The following SLC2A2 variants were observed in gnomAD, a reference collection of about 807,000 sequenced individuals.
The protein encoded by SLC2A2 is solute carrier family 2 member 2.
Under a neutral mutation model 54.5 loss-of-function variants are expected in SLC2A2, and 36 were observed. The observed-to-expected ratio is 0.66, with a 90% CI of 0.51 to 0.87. The LOEUF (loss-of-function observed/expected upper bound fraction) is 0.87, where lower values mean the gene tolerates loss of function less well. Among genes scored for constraint, SLC2A2 ranks in the 40% least tolerant of loss-of-function variants. SLC2A2 has a pLI of 0.00. For missense variants in SLC2A2, 543 were observed against 624.3 expected (o/e 0.87, Z 1.39); for synonymous variants, 223 against 219.1 (o/e 1.02, Z -0.16).
At chr3:171,004,061 C>A (rs1036593912) in intron 7 of SLC2A2, among the ~76,000 whole-genome samples, 2 of 151,984 alleles carry the variant, frequency 1.3e-5, no homozygotes, top group Non-Finnish European at 2.9e-5. Context: ...CCTTCCCCAC[C>A]TAACGTGTCC....
rs546539032 is a variant in SLC2A2 at position 171,014,678 on chromosome 3, T to G, written c.162A>C (p.Lys54Asn). The part of the protein sequence containing the change: ...HVLGVPLDDR[K>N]AINNYVINST... The stretch of plus-strand genomic sequence containing the variant: ...TGTTGATAACATAGTTGTTGATAGC[T>G]TTTCGGTCATCCAGTGGAACACCCA... The change falls in exon 3 of 11, where the codon AAA becomes AAC. Residue 54 changes from lysine to asparagine, a missense_variant. Around this residue, in one of 3 missense-constraint regions of SLC2A2, gnomAD observed 318 missense variants for 343.8 expected, o/e 0.93. Coordinates refer to ENST00000314251, the MANE Select transcript of SLC2A2 (RefSeq NM_000340.2). 6.2e-7 allele frequency: 1 copy of G among 1,614,044 alleles called. No individual in the cohort carries two copies.
At chr3:170,998,509 G>T in intron 9 of SLC2A2, 113 bp from the exon 10 acceptor site, 1 of 771,736 alleles carries the variant, frequency 1.3e-6, no homozygotes, top group South Asian at 1.5e-5. Context: ...AATGTATTTT[G>T]TTCAAGCAAG....
intron 7 of SLC2A2, among the ~76,000 whole-genome samples, 173 bp downstream of exon 7, chr3:171,005,112 G>GAA (rs1476785663): frequency 2.6e-5 from 4 of 151,958 alleles, no homozygotes; most frequent in African/African-American, 9.7e-5. Context: ...AGTAATTTTA[G>GAA]AAAACTTTTG....
Position 170,998,410 on chromosome 3 carries a change from C to T in SLC2A2, c.1171-14G>A. 6.2e-7 allele frequency: 1 copy of T among 1,608,996 alleles called. No homozygotes were observed. The highest frequency in any genetic ancestry group is 1.1e-5 in the South Asian group (1 of 90,918). On this transcript the variant is annotated splice_polypyrimidine_tract_variant and intron_variant, in intron 9 of 10. Transcript: ENST00000314251. ...AGAGAACTTATTCTGAGGAAAAAAA[C>T]AAAAACAATAGTGGGACTGAGATCA...
At chr3:171,018,668 A>G (rs1309861221) in intron 1 of SLC2A2, 45 bp from the exon 2 acceptor site, 1 of 1,326,328 alleles carries the variant, frequency 7.5e-7, no homozygotes, top group African/African-American at 1.4e-5. Flanking sequence ...AGGCAATTTT[A>G]GTTTCCCATC....
intron 6 of SLC2A2, 21 bp from the exon 7 acceptor site, chr3:171,005,493 G>C: frequency 1.2e-6 from 2 of 1,601,534 alleles, no homozygotes; most frequent in Non-Finnish European, 1.7e-6. Flanking sequence ...AAATGATCAG[G>C]TTGAAACAAC....
intron 3 of SLC2A2, among the ~76,000 whole-genome samples, chr3:171,011,695 T>C (rs1208439527): frequency 1.3e-5 from 2 of 152,120 alleles, no homozygotes; most frequent in Non-Finnish European, 2.9e-5. Context: ...AGAAAAATAG[T>C]TTAAGGGGTG....
chr3:171,009,931 G>T, intron 4 of SLC2A2, 27 bp downstream of exon 4: 1 of 1,563,030 alleles, frequency 6.4e-7, no homozygotes. Context: ...GTGTGTGTGT[G>T]TGTGTGTGTG....
chr3:171,007,464 TGAATA>T (rs944269745), intron 4 of SLC2A2: 17 of 577,902 alleles, frequency 2.9e-5, no homozygotes, highest in African/African-American at 2.4e-4. Flanking sequence ...GTTGGAAACA[TGAATA>T]GAAAGAAATG....
Position 170,998,051 on chromosome 3 carries a change from A to C in SLC2A2, c.1427T>G (p.Phe476Cys). 6.2e-7 allele frequency: 1 copy of C among 1,613,722 alleles called. No individual in the cohort carries two copies. Among genetic ancestry groups the C allele is most frequent in the Non-Finnish European group, 8.5e-7 (1 of 1,179,814 alleles). The change falls in exon 11 of 11, where the codon TTT becomes TGT. Residue 476 changes from phenylalanine (F) to cysteine (C), a missense_variant. Physicochemically the swap from Phe to Cys is radical, Grantham distance 205 (BLOSUM62 -2). This residue lies in a region of SLC2A2 where 108 missense variants were observed against 101.3 expected (regional missense o/e 1.07). Coordinates refer to ENST00000314251, the MANE Select transcript of SLC2A2 (RefSeq NM_000340.2). ...AACTTTAAAAAATGTGAACAGGGTAAAGGCCAGGAGCACTCCAGCAAAGAG... is the reference window on the plus strand; with the variant it reads ...AACTTTAAAAAATGTGAACAGGGTACAGGCCAGGAGCACTCCAGCAAAGAG... ...FFLFAGVLLA[F>C]TLFTFFKVPE...
intron 6 of SLC2A2, 77 bp downstream of exon 6, chr3:171,005,866 C>G: frequency 7.2e-7 from 1 of 1,395,822 alleles, no homozygotes; most frequent in Non-Finnish European, 1.0e-6. Context: ...TCACCAACTT[C>G]ATGTGGAAAG....
At position 170,997,599 on chromosome 3, in the gene SLC2A2, C is replaced by A. The variant is rs559002261; in HGVS notation, c.*304G>T. The A allele has an allele frequency of 9.5e-5, 29 of 304,754 alleles. No individual in the cohort carries two copies. The highest frequency in any genetic ancestry group is 5.7e-4 in the African/African-American group (26 of 45,270). The allele number at this position is 304,754 out of a possible 1,614,324, so 18.9% of individuals were successfully genotyped here. On this transcript the variant is annotated 3_prime_UTR_variant, in exon 11 of 11. Transcript: ENST00000314251. ...TGTTAAAAAAATGATATGTTGAAAT[C>A]TCTTCAATTTTAGAAGAACCTTGTT... is the stretch of plus-strand genomic sequence containing the variant.
chr3:171,025,352 A>ATAT (rs3081362), intron 1 of SLC2A2, among the ~76,000 whole-genome samples: 56,256 of 149,404 alleles, frequency 0.38, 12,442 homozygotes, highest in African/African-American at 0.63. Context: ...AATACTATTT[A>ATAT]AATATGTATT....
At chr3:171,006,214 TTTGGTTCA>T in intron 5 of SLC2A2, 109 bp from the exon 6 acceptor site, 2 of 996,184 alleles carry the variant, frequency 2.0e-6, no homozygotes, top group Non-Finnish European at 3.0e-6. Context: ...CTCTGACAAC[TTTGGTTCA>T]AGTAAAAACG....
intron 8 of SLC2A2, among the ~76,000 whole-genome samples, chr3:171,000,082 T>C (rs1241231711): frequency 6.6e-6 from 1 of 152,030 alleles, no homozygotes; most frequent in Non-Finnish European, 1.5e-5. Context: ...AGTAAATCAA[T>C]AGCAATCCAA....
intron 8 of SLC2A2, among the ~76,000 whole-genome samples, chr3:171,002,340 T>G (rs909112030): frequency 4.6e-5 from 7 of 151,788 alleles, no homozygotes; most frequent in African/African-American, 1.7e-4. Flanking sequence ...CACAAATGAG[T>G]GACTAAATGG....
At chr3:171,016,852 C>CTT (rs201071901) in intron 2 of SLC2A2, among the ~76,000 whole-genome samples, 30 of 114,356 alleles carry the variant, frequency 2.6e-4, no homozygotes, top group Middle Eastern at 4.3e-3. Flanking sequence ...TTAATTTTTT[C>CTT]TTTTTTTTTT....
At chr3:171,020,559 G>A (rs1411046525) in intron 1 of SLC2A2, among the ~76,000 whole-genome samples, 4 of 152,060 alleles carry the variant, frequency 2.6e-5, no homozygotes, top group Admixed American at 2.0e-4. Context: ...TAATATATAT[G>A]TGATATATAA....
chr3:171,018,028 AG>A (rs1560041467), intron 2 of SLC2A2, among the ~76,000 whole-genome samples: 3 of 152,154 alleles, frequency 2.0e-5, no homozygotes. Flanking sequence ...GGGCTTCTTA[AG>A]GTTTTAATGT....
Sources: gnomAD v4.1 joint callset for allele counts (sites outside exome capture counted in the v4.1 genomes callset) on GRCh38, gnomAD v4.1.1 for gene constraint, gnomAD v4.1.1 regional missense constraint, MANE v1.5 for transcripts, NCBI Gene and HGNC (gene_info 2026-07-23, HGNC 2026-07-21) for gene names.